The following LRP1B variants were observed in gnomAD, a reference collection of about 807,000 sequenced individuals.
The protein encoded by LRP1B is LDL receptor related protein 1B.
A neutral mutation model predicts 556.6 loss-of-function variants in LRP1B; 217 were observed. The observed-to-expected ratio is 0.39, with a 90% CI of 0.35 to 0.44. The LOEUF (loss-of-function observed/expected upper bound fraction) is 0.44. Among genes scored for constraint, LRP1B ranks in the 20% least tolerant of loss-of-function variants. The probability of loss-of-function intolerance (pLI) is 1.00; values close to 1 mark genes in which losing one functional copy is unlikely to be tolerated. For missense variants in LRP1B, 5,053 were observed against 5,620.8 expected (o/e 0.90, Z 3.23); for synonymous variants, 2,047 against 1,865.8 (o/e 1.10, Z -2.50).
At chr2:141,483,639 T>C (rs1683007052) in intron 2 of LRP1B, among the ~76,000 whole-genome samples, 1 of 151,814 alleles carries the variant, frequency 6.6e-6, no homozygotes, top group Non-Finnish European at 1.5e-5. Flanking sequence ...TTCCTGACTT[T>C]TCAATGATTG....
At chr2:141,316,283 C>A (rs900433825) in intron 3 of LRP1B, among the ~76,000 whole-genome samples, 1 of 152,118 alleles carries the variant, frequency 6.6e-6, no homozygotes, top group African/African-American at 2.4e-5. Context: ...AAAAATGAAG[C>A]TTGAGGGCTT....
rs560929194 is a variant in LRP1B at position 141,424,302 on chromosome 2, G to A, written c.343+56094C>T. ...CTAATTTTGTACTTTTAGTAGAGAC[G>A]GGGTTTCTCTATGTTGGTCAGGCTG... is the stretch of plus-strand genomic sequence containing the variant. On this transcript the variant is annotated intron_variant, in intron 3 of 90. Coordinates refer to ENST00000389484, the MANE Select transcript of LRP1B (RefSeq NM_018557.3). Among the ~76,000 whole-genome samples, 7 of 152,050 alleles carry A rather than the reference G, an allele frequency of 4.6e-5. No homozygotes were observed. The South Asian group carries it at 8.3e-4, about 18-fold the overall frequency.
chr2:141,467,182 A>C (rs1041549673), intron 3 of LRP1B, among the ~76,000 whole-genome samples: 3 of 150,472 alleles, frequency 2.0e-5, no homozygotes, highest in African/African-American at 5.0e-5. Flanking sequence ...TCTACCTGAG[A>C]GAGAGAGCGC....
chr2:140,424,444 C>A (rs1685573189), intron 66 of LRP1B, among the ~76,000 whole-genome samples: 1 of 152,178 alleles, frequency 6.6e-6, no homozygotes, highest in Non-Finnish European at 1.5e-5. Flanking sequence ...AAATTTGCCA[C>A]AGAAAATTCT....
chr2:140,473,411 T>G (rs1331947581), intron 60 of LRP1B, among the ~76,000 whole-genome samples: 1 of 151,998 alleles, frequency 6.6e-6, no homozygotes, highest in Non-Finnish European at 1.5e-5. Context: ...ATTTTACTAT[T>G]TAATACATTT....
chr2:141,008,977 CT>C (rs1461066420), intron 14 of LRP1B, among the ~76,000 whole-genome samples: 1 of 151,802 alleles, frequency 6.6e-6, no homozygotes, highest in Non-Finnish European at 1.5e-5. Context: ...AATAAAGTAT[CT>C]TTTTTTGAGC....
At chr2:141,433,952 A>C (rs1680662913) in intron 3 of LRP1B, among the ~76,000 whole-genome samples, 1 of 147,562 alleles carries the variant, frequency 6.8e-6, no homozygotes. Flanking sequence ...CTCTATTCTA[A>C]CAAGTCAGCT....
At chr2:140,807,440 A>G (rs1346218917) in intron 32 of LRP1B, among the ~76,000 whole-genome samples, 1 of 151,924 alleles carries the variant, frequency 6.6e-6, no homozygotes, top group Non-Finnish European at 1.5e-5. Context: ...GCCCGGGTTC[A>G]AGCGATTCTC....
intron 23 of LRP1B, chr2:140,898,757 C>A: frequency 3.5e-6 from 2 of 578,480 alleles, no homozygotes; most frequent in Non-Finnish European, 6.5e-6. Context: ...CCCTCAAGAC[C>A]CTGAGCCTCT....
chr2:141,879,738 CA>C, intron 1 of LRP1B, among the ~76,000 whole-genome samples: 1 of 151,824 alleles, frequency 6.6e-6, no homozygotes, highest in Non-Finnish European at 1.5e-5. Flanking sequence ...AACAGACAAA[CA>C]AAAAACTTGT....
chr2:141,256,786 A>C (rs962478344), intron 3 of LRP1B, among the ~76,000 whole-genome samples: 3 of 152,092 alleles, frequency 2.0e-5, no homozygotes, highest in Admixed American at 2.0e-4. Context: ...GCCAGGGAGA[A>C]AGTGAGAATT....
At chr2:141,214,489 T>C (rs965041382) in intron 6 of LRP1B, among the ~76,000 whole-genome samples, 2 of 152,178 alleles carry the variant, frequency 1.3e-5, no homozygotes, top group African/African-American at 4.8e-5. Flanking sequence ...AACACCTATA[T>C]ATAAAATAGC....
At chr2:140,415,844 A>G (rs1685174922) in intron 66 of LRP1B, among the ~76,000 whole-genome samples, 1 of 152,172 alleles carries the variant, frequency 6.6e-6, no homozygotes, top group Non-Finnish European at 1.5e-5. Context: ...CTGCACATAG[A>G]AAAGAAATGA....
intron 1 of LRP1B, among the ~76,000 whole-genome samples, chr2:142,039,034 A>G (rs981849881): frequency 4.0e-5 from 6 of 151,512 alleles, no homozygotes; most frequent in African/African-American, 7.3e-5. Context: ...CCAAGAGCCC[A>G]TGAAAAGAAA....
intron 7 of LRP1B, among the ~76,000 whole-genome samples, chr2:141,106,880 G>A (rs1015084679): frequency 1.3e-5 from 2 of 152,172 alleles, no homozygotes; most frequent in South Asian, 2.1e-4. Flanking sequence ...AAGTTGCTCA[G>A]TGATATTTAT....
rs573271765 is a variant in LRP1B at position 141,685,298 on chromosome 2, T to C, written c.205+124981A>G. On this transcript the variant is annotated intron_variant, in intron 2 of 90. Transcript: ENST00000389484. ...TCTCAATTATACTTGAATTATATGATTTAGATGATTATATTTGGGACTTTT... is the reference window on the plus strand; with the variant it reads ...TCTCAATTATACTTGAATTATATGACTTAGATGATTATATTTGGGACTTTT... 1.1e-4 allele frequency among the ~76,000 whole-genome samples: 17 copies of C among 152,168 alleles called. No homozygotes were observed. In the South Asian group the frequency reaches 3.5e-3, roughly 31 times the overall value.
chr2:140,562,990 C>A (rs1487017414), intron 43 of LRP1B, among the ~76,000 whole-genome samples: 1 of 152,038 alleles, frequency 6.6e-6, no homozygotes, highest in Non-Finnish European at 1.5e-5. Context: ...ACTTAAATTA[C>A]TGTTGTGCTT....
intron 1 of LRP1B, among the ~76,000 whole-genome samples, chr2:142,008,140 C>G (rs1198567077): frequency 6.6e-6 from 1 of 152,160 alleles, no homozygotes; most frequent in East Asian, 1.9e-4. Context: ...TACTAAAGGT[C>G]CTTGTTAGGC....
chr2:141,818,569 C>T (rs1696640058), intron 1 of LRP1B, among the ~76,000 whole-genome samples: 2 of 99,510 alleles, frequency 2.0e-5, no homozygotes, highest in Non-Finnish European at 3.6e-5. Flanking sequence ...TGGAGTCTTG[C>T]TCTGTCACCC....
Sources: gnomAD v4.1 joint callset for allele counts (sites outside exome capture counted in the v4.1 genomes callset) on GRCh38, gnomAD v4.1.1 for gene constraint, MANE v1.5 for transcripts, NCBI Gene and HGNC (gene_info 2026-07-23, HGNC 2026-07-21) for gene names.